CTNND2: variants seen among roughly 807,000 people sequenced by gnomAD.
CTNND2 encodes the protein catenin delta-2.
In CTNND2, 22 loss-of-function variants were observed where a neutral mutation model predicts 144.4. The ratio of observed to expected loss-of-function variants is 0.15; its 90% CI spans 0.11 to 0.22. The LOEUF (loss-of-function observed/expected upper bound fraction) is 0.22. Ranked by LOEUF, CTNND2 falls within the 10% of genes least tolerant of loss-of-function variation. The pLI is 1.00. For synonymous variants in CTNND2, 751 were observed against 695.6 expected (o/e 1.08, Z -1.25); for missense variants, 1,353 against 1,618.8 (o/e 0.84, Z 2.82).
intron 3 of CTNND2, among the ~76,000 whole-genome samples, chr5:11,462,998 T>C (rs1766355143): frequency 6.6e-6 from 1 of 152,212 alleles, no homozygotes; most frequent in Non-Finnish European, 1.5e-5. Context: ...AGTCCTGCAT[T>C]TAAAACTCAT....
intron 2 of CTNND2, among the ~76,000 whole-genome samples, chr5:11,586,114 T>G (rs1778846139): frequency 6.6e-6 from 1 of 152,296 alleles, no homozygotes; most frequent in South Asian, 2.1e-4. Flanking sequence ...TTGCCTGCTA[T>G]TCGAAAATAA....
chr5:11,373,931 A>G (rs72732908), intron 7 of CTNND2, among the ~76,000 whole-genome samples: 41 of 152,268 alleles, frequency 2.7e-4, no homozygotes, highest in Non-Finnish European at 5.4e-4. Context: ...TGTCCCTAGC[A>G]TGCCTCCTGC....
chr5:11,412,692 C>A (rs1761637067), intron 3 of CTNND2, among the ~76,000 whole-genome samples: 1 of 152,102 alleles, frequency 6.6e-6, no homozygotes, highest in Non-Finnish European at 1.5e-5. Context: ...GTATAGGTAA[C>A]AGATTTATTT....
chr5:11,822,322 C>T (rs982867802), intron 1 of CTNND2, among the ~76,000 whole-genome samples: 5 of 152,064 alleles, frequency 3.3e-5, no homozygotes, highest in Admixed American at 2.6e-4. Flanking sequence ...AATAGTAATA[C>T]CTTTGGTTGA....
intron 9 of CTNND2, among the ~76,000 whole-genome samples, chr5:11,295,333 G>A (rs575152503): frequency 3.9e-4 from 60 of 152,212 alleles, no homozygotes; most frequent in African/African-American, 1.4e-3. Context: ...AAATAAAAGA[G>A]GATACAAACA....
intron 3 of CTNND2, among the ~76,000 whole-genome samples, chr5:11,454,767 A>AT (rs373178947): frequency 6.6e-6 from 1 of 151,426 alleles, no homozygotes; most frequent in Admixed American, 6.6e-5. Flanking sequence ...TGCCCAGCTA[A>AT]TTTTTTGTAT....
chr5:11,430,055 G>A (rs1432827864), intron 3 of CTNND2, among the ~76,000 whole-genome samples: 1 of 151,914 alleles, frequency 6.6e-6, no homozygotes, highest in Non-Finnish European at 1.5e-5. Context: ...TTTGAGACCA[G>A]CCTGGCCAAT....
chr5:11,267,218 C>G (rs1216529317), intron 9 of CTNND2, among the ~76,000 whole-genome samples: 1 of 152,126 alleles, frequency 6.6e-6, no homozygotes, highest in Non-Finnish European at 1.5e-5. Context: ...TTGGGAAGGG[C>G]ATGCTTCTGC....
At chr5:11,322,248 C>T (rs536694405) in intron 9 of CTNND2, among the ~76,000 whole-genome samples, 1 of 152,254 alleles carries the variant, frequency 6.6e-6, no homozygotes, top group South Asian at 2.1e-4. Context: ...TATCAGTGCC[C>T]AGCATTTTCA....
At chr5:11,008,125 C>T (rs1329951618) in intron 18 of CTNND2, among the ~76,000 whole-genome samples, 1 of 152,126 alleles carries the variant, frequency 6.6e-6, no homozygotes, top group Non-Finnish European at 1.5e-5. Flanking sequence ...GGCGTTATAT[C>T]AGACTTTGAT....
intron 16 of CTNND2, among the ~76,000 whole-genome samples, chr5:11,041,312 T>A (rs1233603155): frequency 6.6e-6 from 1 of 152,344 alleles, no homozygotes; most frequent in East Asian, 1.9e-4. Flanking sequence ...TATTCATTAT[T>A]TCCATTTGTG....
intron 9 of CTNND2, among the ~76,000 whole-genome samples, chr5:11,240,238 AACAC>A (rs529588438): frequency 9.7e-6 from 1 of 103,334 alleles, no homozygotes; most frequent in Non-Finnish European, 2.0e-5. Context: ...CACACACACC[AACAC>A]ACACACTCAC....
intron 1 of CTNND2, among the ~76,000 whole-genome samples, chr5:11,779,114 G>T (rs775365357): frequency 4.6e-5 from 7 of 152,214 alleles, no homozygotes; most frequent in Non-Finnish European, 8.8e-5. Context: ...CATGCATGAC[G>T]CATGGTGTAT....
At chr5:11,627,094 G>A (rs1236475095) in intron 2 of CTNND2, among the ~76,000 whole-genome samples, 1 of 152,134 alleles carries the variant, frequency 6.6e-6, no homozygotes, top group Non-Finnish European at 1.5e-5. Flanking sequence ...ATTGGGTCAT[G>A]AGGAGCAAGT....
chr5:11,456,331 G>A (rs199656360), intron 3 of CTNND2, among the ~76,000 whole-genome samples: 2 of 145,408 alleles, frequency 1.4e-5, no homozygotes, highest in Admixed American at 1.4e-4. Flanking sequence ...TTTTTTTTTG[G>A]TGTGCAAAAG....
intron 12 of CTNND2, among the ~76,000 whole-genome samples, chr5:11,123,225 G>A (rs1287047159): frequency 6.6e-6 from 1 of 152,198 alleles, no homozygotes; most frequent in Non-Finnish European, 1.5e-5. Flanking sequence ...GGCGTTAGGA[G>A]GTAGGGGGGA....
chr5:11,273,616 A>G (rs1697107003), intron 9 of CTNND2, among the ~76,000 whole-genome samples: 1 of 152,208 alleles, frequency 6.6e-6, no homozygotes, highest in African/African-American at 2.4e-5. Context: ...GCAGCTCTGC[A>G]GCGGGAGACA....
In CTNND2 at chr5:11,239,229, C is replaced by A. The variant is rs142688900; in HGVS notation, c.1629-2406G>T. On this transcript the variant is annotated intron_variant, in intron 9 of 21. Transcript: ENST00000304623. Reference sequence around the variant, plus strand: ...GCCAAGTGCACCTTTTGAACAAGAACCCTAGGGAACAGGTTTAGGGGCTCT... The same window carrying A: ...GCCAAGTGCACCTTTTGAACAAGAAACCTAGGGAACAGGTTTAGGGGCTCT... Among the ~76,000 whole-genome samples, 506 of 152,372 alleles carry A rather than the reference C, an allele frequency of 3.3e-3. 4 individuals are homozygous for A. Among genetic ancestry groups the A allele is most frequent in the Middle Eastern group, 0.02 (6 of 294 alleles).
intron 1 of CTNND2, among the ~76,000 whole-genome samples, chr5:11,880,403 TAAGTC>T (rs1301549617): frequency 6.6e-6 from 1 of 151,732 alleles, no homozygotes; most frequent in Non-Finnish European, 1.5e-5. Flanking sequence ...AAAGAGTTAA[TAAGTC>T]AAGAAGAAGG....
Sources: allele counts gnomAD v4.1 joint callset (sites outside exome capture counted in the v4.1 genomes callset), GRCh38; gene constraint gnomAD v4.1.1; transcripts MANE v1.5; gene names NCBI Gene and HGNC (gene_info 2026-07-23, HGNC 2026-07-21).